PTPRO: variants seen among roughly 807,000 people sequenced by gnomAD.
PTPRO encodes the protein receptor-type tyrosine-protein phosphatase O.
PTPRO carries 62 observed loss-of-function variants against 145.2 expected under a neutral mutation model. The observed-to-expected ratio is 0.43, with a 90% CI of 0.35 to 0.53. The LOEUF (loss-of-function observed/expected upper bound fraction) is 0.53, where lower values mean the gene tolerates loss of function less well. PTPRO is among the 20% of genes least tolerant of loss of function. The pLI, the probability that PTPRO is intolerant of heterozygous loss-of-function variation, is 0.01. For missense variants in PTPRO, 1,345 were observed against 1,482.7 expected, an observed-to-expected ratio of 0.91 and a Z score of 1.53; for synonymous variants, 565 against 514.7, an observed-to-expected ratio of 1.10 and a Z score of -1.32.
intron 1 of PTPRO, among the ~76,000 whole-genome samples, chr12:15,330,356 T>C (rs1266166171): frequency 2.0e-5 from 3 of 152,196 alleles, no homozygotes; most frequent in African/African-American, 4.8e-5. Flanking sequence ...GTAGGGTAAT[T>C]TCTTGGTAAC....
At chr12:15,323,121 C>G (rs74848603) in intron 1 of PTPRO, among the ~76,000 whole-genome samples, 1 of 152,230 alleles carries the variant, frequency 6.6e-6, no homozygotes, top group Non-Finnish European at 1.5e-5. Flanking sequence ...AATGAGGTCA[C>G]TTTCTTTTCT....
chr12:15,436,350 C>A (rs1007379699), intron 1 of PTPRO, among the ~76,000 whole-genome samples: 1 of 152,156 alleles, frequency 6.6e-6, no homozygotes, highest in Non-Finnish European at 1.5e-5. Flanking sequence ...AAAGCAAACA[C>A]ACAAAATACA....
intron 1 of PTPRO, among the ~76,000 whole-genome samples, chr12:15,401,720 A>G (rs1425868163): frequency 2.0e-5 from 3 of 152,348 alleles, no homozygotes; most frequent in East Asian, 3.9e-4. Context: ...ACTGGCTCAC[A>G]TGGCTGGTCT....
At chr12:15,461,027 C>A (rs529157272) in intron 1 of PTPRO, among the ~76,000 whole-genome samples, 3 of 152,116 alleles carry the variant, frequency 2.0e-5, no homozygotes, top group Non-Finnish European at 4.4e-5. Context: ...TGACAGGAAG[C>A]TGGAGGTCAG....
chr12:15,496,833 A>T (rs980364753), intron 2 of PTPRO, among the ~76,000 whole-genome samples: 16 of 152,330 alleles, frequency 1.1e-4, no homozygotes, highest in African/African-American at 3.8e-4. Flanking sequence ...TCTGTTACTG[A>T]TATCAAATTT....
At chr12:15,399,667 A>G (rs1269012883) in intron 1 of PTPRO, among the ~76,000 whole-genome samples, 1 of 152,132 alleles carries the variant, frequency 6.6e-6, no homozygotes, top group Non-Finnish European at 1.5e-5. Flanking sequence ...TGTGTCATAG[A>G]AAAACATATT....
chr12:15,554,305 C>T (rs753021722), intron 15 of PTPRO, among the ~76,000 whole-genome samples: 4 of 151,976 alleles, frequency 2.6e-5, no homozygotes, highest in Non-Finnish European at 5.9e-5. Context: ...ATCAAGACTT[C>T]AGTTTTGGAA....
At position 15,322,808 on chromosome 12, in the gene PTPRO, G is replaced by C; in HGVS notation, c.75+7G>C. ...GCTCTTTGTGCTGTTCAAGGTAGGGGAGCTCCTCCACCCCTTTTTCCCAGC... is the reference window on the plus strand; with the variant it reads ...GCTCTTTGTGCTGTTCAAGGTAGGGCAGCTCCTCCACCCCTTTTTCCCAGC... On this transcript the variant is annotated splice_region_variant and intron_variant, in intron 1 of 26. Transcript: ENST00000281171. This position sits in a 1 kb window ranked among gnomAD's most constrained non-coding sequence, Gnocchi z 6.3. 1 of 1,611,204 alleles carries C rather than the reference G, an allele frequency of 6.2e-7. No homozygotes were observed. Among genetic ancestry groups the C allele is most frequent in the Non-Finnish European group, 8.5e-7 (1 of 1,179,038 alleles).
intron 12 of PTPRO, among the ~76,000 whole-genome samples, chr12:15,541,459 A>G (rs1314967535): frequency 1.3e-5 from 2 of 152,224 alleles, no homozygotes; most frequent in Non-Finnish European, 1.5e-5. Context: ...ATAGCAAAAT[A>G]CCACAGACTG....
At chr12:15,480,055 T>G (rs938052569) in intron 1 of PTPRO, among the ~76,000 whole-genome samples, 1 of 152,192 alleles carries the variant, frequency 6.6e-6, no homozygotes. Flanking sequence ...AAACCAAATA[T>G]GCCTATATTG....
intron 19 of PTPRO, 53 bp downstream of exon 19, chr12:15,569,551 TG>T (rs1943989492): frequency 2.0e-6 from 3 of 1,495,438 alleles, no homozygotes; most frequent in South Asian, 1.1e-5. Flanking sequence ...GCCTGGGAAT[TG>T]GGGGGTTTGT....
intron 6 of PTPRO, among the ~76,000 whole-genome samples, chr12:15,506,798 G>T (rs753424760): frequency 2.6e-4 from 39 of 152,110 alleles, no homozygotes; most frequent in Non-Finnish European, 4.7e-4. Context: ...AAAGCAGTGG[G>T]TCTCTAAAGT....
chr12:15,332,829 C>T lies in PTPRO; in HGVS notation c.75+10028C>T, dbSNP rs149539616. Reference sequence around the variant, plus strand: ...TTCTGGTTGTAGCATTCACATGTTACTTCCATCTCTGTTTGACTTTAGTAG... The same window carrying T: ...TTCTGGTTGTAGCATTCACATGTTATTTCCATCTCTGTTTGACTTTAGTAG... On this transcript the variant is annotated intron_variant, in intron 1 of 26. Transcript: ENST00000281171. Among the ~76,000 whole-genome samples, 236 of 152,296 alleles carry T rather than the reference C, an allele frequency of 1.5e-3. 2 individuals are homozygous for T. The highest frequency in any genetic ancestry group is 5.5e-3 in the African/African-American group (230 of 41,560).
intron 3 of PTPRO, among the ~76,000 whole-genome samples, chr12:15,498,558 A>G (rs1317181109): frequency 6.6e-6 from 1 of 152,232 alleles, no homozygotes; most frequent in Non-Finnish European, 1.5e-5. Flanking sequence ...GCCCCATCTC[A>G]AAATGAATGA....
At chr12:15,527,885 G>GC (rs1942875963) in intron 12 of PTPRO, among the ~76,000 whole-genome samples, 1 of 63,850 alleles carries the variant, frequency 1.6e-5, no homozygotes, top group Non-Finnish European at 3.2e-5. Flanking sequence ...ACCCGCCCAC[G>GC]CTACCCAGGA....
chr12:15,511,678 G>T (rs1338367277), intron 7 of PTPRO, among the ~76,000 whole-genome samples: 2 of 152,092 alleles, frequency 1.3e-5, no homozygotes, highest in African/African-American at 4.8e-5. Flanking sequence ...CGATTCTCCT[G>T]CCCCAGCCTC....
chr12:15,565,202 AT>A (rs1289090705), intron 17 of PTPRO: 1 of 164,810 alleles, frequency 6.1e-6, no homozygotes, highest in Non-Finnish European at 1.3e-5. Context: ...CCGTCTCTTT[AT>A]TAGTTCTCCA....
chr12:15,499,690 G>A, intron 4 of PTPRO, 96 bp downstream of exon 4: 1 of 1,384,190 alleles, frequency 7.2e-7, no homozygotes, highest in East Asian at 2.4e-5. Flanking sequence ...CTGATCCAGA[G>A]CAAAGAAAGA....
Position 15,557,465 on chromosome 12 carries a change from G to T in PTPRO, c.2569G>T (p.Ala857Ser), listed in dbSNP as rs371750286. 1.2e-6 allele frequency: 2 copies of T among 1,613,732 alleles called. No individual in the cohort carries two copies. Among genetic ancestry groups the T allele is most frequent in the African/African-American group, 2.7e-5 (2 of 74,896 alleles). Residue 857 changes from alanine to serine, a missense_variant, in exon 16 of 27, where the codon GCT becomes TCT. Around this residue, in one of 3 missense-constraint regions of PTPRO, gnomAD observed 1,130 missense variants for 1,214.7 expected, o/e 0.93. Coordinates refer to ENST00000281171, the MANE Select transcript of PTPRO (RefSeq NM_030667.3). ...GTTCCTTTAAAACAGGGAGTGTGGAGCTGGTACATTTGTCAATTTTGCATC... is the reference window on the plus strand; with the variant it reads ...GTTCCTTTAAAACAGGGAGTGTGGATCTGGTACATTTGTCAATTTTGCATC... ...KHLQMARECG[A>S]GTFVNFASLE...
Sources: gnomAD v4.1 joint callset for allele counts (sites outside exome capture counted in the v4.1 genomes callset) on GRCh38, gnomAD v4.1.1 for gene constraint, gnomAD v4.1.1 regional missense constraint, Gnocchi (gnomAD v3.1) non-coding constraint, MANE v1.5 for transcripts, NCBI Gene and HGNC (gene_info 2026-07-23, HGNC 2026-07-21) for gene names.